PRKN: variants seen among roughly 807,000 people sequenced by gnomAD.
PRKN encodes the protein E3 ubiquitin-protein ligase parkin.
Under a neutral mutation model 59.5 loss-of-function variants are expected in PRKN, and 56 were observed. The ratio of observed to expected loss-of-function variants is 0.94; its 90% CI spans 0.76 to 1.18. The LOEUF is 1.18. PRKN is among the 50% of genes most tolerant of loss of function. The pLI is 0.00. For synonymous variants in PRKN, 250 were observed against 222.1 expected (o/e 1.13, Z -1.12); for missense variants, 657 against 596.4 (o/e 1.10, Z -1.06).
rs973750885 is a variant in PRKN, at chr6:162,241,140, T to A, written c.412+21385A>T. ...TTTCCTCTTCTACTGCAATTCTGTC[T>A]AATGTCTTTTATGATGCCTTTACAA... On this transcript the variant is annotated intron_variant, in intron 3 of 11. Coordinates refer to ENST00000366898, the MANE Select transcript of PRKN (RefSeq NM_004562.3). 1.7e-4 allele frequency among the ~76,000 whole-genome samples: 26 copies of A among 152,348 alleles called. 1 individual carries two copies. Among genetic ancestry groups the A allele is most frequent in the African/African-American group, 6.0e-4 (25 of 41,586 alleles).
chr6:162,002,586 T>C (rs1782100328), intron 5 of PRKN, among the ~76,000 whole-genome samples: 1 of 152,032 alleles, frequency 6.6e-6, no homozygotes, highest in Admixed American at 6.6e-5. Context: ...TAACCATTTT[T>C]TTTTTTGCTT....
At chr6:162,234,315 G>A (rs1009506596) in intron 3 of PRKN, among the ~76,000 whole-genome samples, 14 of 152,288 alleles carry the variant, frequency 9.2e-5, no homozygotes, top group African/African-American at 3.4e-4. Flanking sequence ...CAGTGAGCTG[G>A]CTTTAGGATT....
chr6:161,851,943 C>A (rs140774993), intron 6 of PRKN, among the ~76,000 whole-genome samples: 1 of 150,302 alleles, frequency 6.7e-6, no homozygotes, highest in African/African-American at 2.4e-5. Flanking sequence ...AAAAATTAGC[C>A]GGGCGTGGTA....
chr6:162,425,546 T>C (rs962857325), intron 2 of PRKN, among the ~76,000 whole-genome samples: 1 of 152,114 alleles, frequency 6.6e-6, no homozygotes, highest in East Asian at 1.9e-4. Flanking sequence ...GGCAGTGACA[T>C]TGGAAAAAGA....
In PRKN at chr6:161,417,448, CA is replaced by C. The variant is rs397741750; in HGVS notation, c.1084-30572del. 2.2e-3 allele frequency among the ~76,000 whole-genome samples: 249 copies of C among 112,836 alleles called. No individual in the cohort carries two copies. The highest frequency in any genetic ancestry group is 2.7e-3 in the African/African-American group (76 of 27,940). The allele number at this position is 112,836 out of a possible 152,430, so 74.0% of individuals were successfully genotyped here. ...CTGGCAACAGAGCCAGACGCCGTTT[CA>C]AAAAAAAAAAAAAAAAGTCATCTAA... On this transcript the variant is annotated intron_variant, in intron 9 of 11. Transcript: ENST00000366898. The surrounding 1 kb of genome is among the most constrained non-coding windows in gnomAD (Gnocchi z 5.4).
chr6:162,092,776 C>T (rs756096670), intron 4 of PRKN, among the ~76,000 whole-genome samples: 1 of 152,186 alleles, frequency 6.6e-6, no homozygotes, highest in Non-Finnish European at 1.5e-5. Flanking sequence ...GCCTTTCAAA[C>T]ATGTTTATGG....
chr6:162,174,245 G>A (rs1298195814), intron 4 of PRKN, among the ~76,000 whole-genome samples: 1 of 152,130 alleles, frequency 6.6e-6, no homozygotes. Context: ...TACACATATA[G>A]AAAATTTGTA....
chr6:162,196,465 G>C (rs1466583153), intron 4 of PRKN, among the ~76,000 whole-genome samples: 3 of 152,160 alleles, frequency 2.0e-5, no homozygotes, highest in Non-Finnish European at 4.4e-5. Flanking sequence ...TCTCATTTCT[G>C]CATGGACCTC....
Position 161,750,508 on chromosome 6 carries a change from T to G in PRKN, c.871+35264A>C, listed in dbSNP as rs534303884. Among the ~76,000 whole-genome samples the G allele has an allele frequency of 3.3e-5, 5 of 152,160 alleles. No homozygotes were observed. In the South Asian group the frequency reaches 1.0e-3, roughly 32 times the overall value. On this transcript the variant is annotated intron_variant, in intron 7 of 11. Coordinates refer to ENST00000366898, the MANE Select transcript of PRKN (RefSeq NM_004562.3). ...ATTGGCCAGGTGTGGTGGCTCATAC[T>G]TGTAATCCCAGCACTTGGGGAGGCC...
chr6:161,430,536 C>T (rs192924592), intron 9 of PRKN, among the ~76,000 whole-genome samples: 108 of 152,226 alleles, frequency 7.1e-4, no homozygotes, highest in African/African-American at 2.5e-3. Context: ...ACTGAATGGG[C>T]CGGGCGTGGT....
chr6:162,021,459 ATATT>A (rs1460671353), intron 5 of PRKN, among the ~76,000 whole-genome samples: 16 of 33,906 alleles, frequency 4.7e-4, no homozygotes, highest in African/African-American at 1.0e-3. Context: ...ATATATATAT[ATATT>A]TTTTTTTTTT....
chr6:162,399,846 C>A (rs1282175279), intron 2 of PRKN, among the ~76,000 whole-genome samples: 2 of 151,892 alleles, frequency 1.3e-5, no homozygotes, highest in Non-Finnish European at 2.9e-5. Context: ...GCAAAAAGCA[C>A]TACAAGGAAA....
At chr6:161,971,130 C>T (rs1562428165) in intron 6 of PRKN, among the ~76,000 whole-genome samples, 1 of 151,834 alleles carries the variant, frequency 6.6e-6, no homozygotes, top group Non-Finnish European at 1.5e-5. Flanking sequence ...TATAAATTCT[C>T]CCAAAGGCAA....
rs368600608 is a variant in PRKN at position 162,252,990 on chromosome 6, G to A, written c.412+9535C>T. Among the ~76,000 whole-genome samples, 377 of 152,352 alleles carry A rather than the reference G, an allele frequency of 2.5e-3. 2 individuals carry two copies. The highest frequency in any genetic ancestry group is 8.5e-3 in the African/African-American group (354 of 41,594). ...GGTACTGCAACAGCCCAGAGTGAGAGGAAATGCCCCTGCTTCCTGGAGCCT... is the reference window on the plus strand; with the variant it reads ...GGTACTGCAACAGCCCAGAGTGAGAAGAAATGCCCCTGCTTCCTGGAGCCT... On this transcript the variant is annotated intron_variant, in intron 3 of 11. Transcript: ENST00000366898.
chr6:162,411,924 C>A (rs1262188024), intron 2 of PRKN, among the ~76,000 whole-genome samples: 2 of 152,096 alleles, frequency 1.3e-5, no homozygotes, highest in African/African-American at 2.4e-5. Flanking sequence ...TTCTTTAGAT[C>A]CTGGAACTCC....
intron 4 of PRKN, among the ~76,000 whole-genome samples, chr6:162,140,166 T>C (rs1303382304): frequency 1.3e-5 from 2 of 152,230 alleles, no homozygotes; most frequent in Non-Finnish European, 2.9e-5. Context: ...GGGGATTGCA[T>C]TATGATTCAG....
intron 1 of PRKN, among the ~76,000 whole-genome samples, chr6:162,498,840 C>A (rs1362652935): frequency 1.1e-5 from 1 of 91,444 alleles, no homozygotes; most frequent in Admixed American, 1.1e-4. Context: ...TGGACAGTAG[C>A]CGTTAACTGC....
chr6:162,294,422 G>A (rs1781571847), intron 2 of PRKN, among the ~76,000 whole-genome samples: 1 of 152,202 alleles, frequency 6.6e-6, no homozygotes, highest in African/African-American at 2.4e-5. Context: ...GTCAGGCAGA[G>A]AAGAACCTGT....
chr6:162,290,287 T>C (rs904508322), intron 2 of PRKN, among the ~76,000 whole-genome samples: 2 of 152,286 alleles, frequency 1.3e-5, no homozygotes, highest in African/African-American at 4.8e-5. Flanking sequence ...ATATAAGATA[T>C]CTGTTGTACT....
Sources: allele counts gnomAD v4.1 joint callset (sites outside exome capture counted in the v4.1 genomes callset), GRCh38; gene constraint gnomAD v4.1.1; non-coding constraint Gnocchi (gnomAD v3.1); transcripts MANE v1.5; gene names NCBI Gene and HGNC (gene_info 2026-07-23, HGNC 2026-07-21).